Variants in PPP3CA observed in about 807,000 individuals in gnomAD.
PPP3CA encodes CAM-PRP catalytic subunit.
In PPP3CA, 14 loss-of-function variants were observed where a neutral mutation model predicts 66.5. The observed-to-expected ratio is 0.21, with a 90% CI of 0.14 to 0.33. The LOEUF (loss-of-function observed/expected upper bound fraction) is 0.33. PPP3CA is among the 10% of genes least tolerant of loss of function. PPP3CA has a pLI of 1.00. For synonymous variants in PPP3CA, 232 were observed against 226.2 expected (o/e 1.03, Z -0.23); for missense variants, 317 against 639.5 (o/e 0.50, Z 5.44).
chr4:101,265,267 T>C (rs1727134802), intron 1 of PPP3CA, among the ~76,000 whole-genome samples: 1 of 151,906 alleles, frequency 6.6e-6, no homozygotes, highest in Non-Finnish European at 1.5e-5. Flanking sequence ...AGCTACTCTT[T>C]TATTTATTTT....
chr4:101,028,618 A>G (rs1384846829), intron 13 of PPP3CA, among the ~76,000 whole-genome samples: 2 of 152,196 alleles, frequency 1.3e-5, no homozygotes, highest in Admixed American at 1.3e-4. Flanking sequence ...GTAGGTTACA[A>G]TTTGATTTAA....
intron 2 of PPP3CA, among the ~76,000 whole-genome samples, chr4:101,194,285 T>A (rs1724716518): frequency 6.6e-6 from 1 of 152,166 alleles, no homozygotes; most frequent in African/African-American, 2.4e-5. Context: ...TAAAGAAAGG[T>A]GTAGTCTGAT....
chr4:101,253,268 A>AT (rs968106577), intron 1 of PPP3CA, among the ~76,000 whole-genome samples: 3 of 152,122 alleles, frequency 2.0e-5, no homozygotes, highest in Non-Finnish European at 2.9e-5. Flanking sequence ...ACTATATATT[A>AT]TTTTTTAGCA....
At chr4:101,141,616 G>A (rs887301064) in intron 2 of PPP3CA, among the ~76,000 whole-genome samples, 35 of 152,122 alleles carry the variant, frequency 2.3e-4, no homozygotes, top group Non-Finnish European at 1.3e-4. Context: ...CTACTGAAGA[G>A]TTATTTCCTC....
intron 1 of PPP3CA, among the ~76,000 whole-genome samples, chr4:101,282,822 G>C (rs1205102250): frequency 1.3e-5 from 2 of 152,142 alleles, no homozygotes; most frequent in East Asian, 3.9e-4. Flanking sequence ...TTCCGGGGCA[G>C]TCCCCAACAT....
At position 101,147,956 on chromosome 4, in the gene PPP3CA, C is replaced by T. The variant is rs927666017; in HGVS notation, c.260-38878G>A. Reference sequence around the variant, plus strand: ...GTTAGGTAACTGTGGCTAAGATCCACGTCTCTGTCCAAAATAGACACAATC... The same window carrying T: ...GTTAGGTAACTGTGGCTAAGATCCATGTCTCTGTCCAAAATAGACACAATC... On this transcript the variant is annotated intron_variant, in intron 2 of 13. Coordinates refer to ENST00000394854, the MANE Select transcript of PPP3CA (RefSeq NM_000944.5). Among the ~76,000 whole-genome samples the T allele has an allele frequency of 3.9e-5, 6 of 152,160 alleles. No homozygotes were observed. In the South Asian group the frequency reaches 8.3e-4, roughly 21 times the overall value.
At chr4:101,304,008 T>C (rs1728460818) in intron 1 of PPP3CA, among the ~76,000 whole-genome samples, 1 of 152,198 alleles carries the variant, frequency 6.6e-6, no homozygotes, top group Non-Finnish European at 1.5e-5. Context: ...ACATATTAGT[T>C]AACCTTCTTT....
intron 1 of PPP3CA, among the ~76,000 whole-genome samples, chr4:101,322,632 A>G (rs1189564824): frequency 6.6e-6 from 1 of 151,698 alleles, no homozygotes; most frequent in Non-Finnish European, 1.5e-5. Flanking sequence ...CTGGTCTCGA[A>G]CTCCTGACCT....
chr4:101,293,958 A>G (rs144690277), intron 1 of PPP3CA, among the ~76,000 whole-genome samples: 2 of 152,174 alleles, frequency 1.3e-5, no homozygotes, highest in South Asian at 4.1e-4. Context: ...AGGAGGCATT[A>G]TGTAAGGAGA....
In PPP3CA at chr4:101,347,318, C is replaced by CGCCGCTGCT. The variant is rs892043301; in HGVS notation, c.-531_-523dup. 4.9e-5 allele frequency: 10 copies of CGCCGCTGCT among 203,404 alleles called. No individual in the cohort carries two copies. The highest frequency in any genetic ancestry group is 2.0e-3 in the Middle Eastern group (1 of 502). 12.6% of individuals were successfully genotyped at this position (203,404 alleles called of 1,614,324 possible). On this transcript the variant is annotated 5_prime_UTR_variant, in exon 1 of 14. Coordinates refer to ENST00000394854, the MANE Select transcript of PPP3CA (RefSeq NM_000944.5). ...GCGTCCCCGGCGGCGGAGAGGCGGC[C>CGCCGCTGCT]GCCGCTGCTGCCGCTGCTGCTGCCG... is the stretch of plus-strand genomic sequence containing the variant.
chr4:101,268,333 AAAG>A (rs1328520540), intron 1 of PPP3CA, among the ~76,000 whole-genome samples: 2 of 152,152 alleles, frequency 1.3e-5, no homozygotes, highest in Non-Finnish European at 2.9e-5. Flanking sequence ...AAGTCTGAGA[AAAG>A]AAGGCAAAAT....
At chr4:101,247,634 AT>A (rs1281996591) in intron 1 of PPP3CA, among the ~76,000 whole-genome samples, 2 of 152,080 alleles carry the variant, frequency 1.3e-5, no homozygotes, top group Non-Finnish European at 1.5e-5. Flanking sequence ...CCCTATACAT[AT>A]TTTTTCATTC....
chr4:101,234,831 CT>C lies in PPP3CA; in HGVS notation c.59-38716del, dbSNP rs35449566. ...ATAATTACCTTTTACTTAATCACAG[CT>C]TTTTTGCCCAAAAAACATTCTCTGC... On this transcript the variant is annotated intron_variant, in intron 1 of 13. Coordinates refer to ENST00000394854, the MANE Select transcript of PPP3CA (RefSeq NM_000944.5). 1.2e-3 allele frequency among the ~76,000 whole-genome samples: 182 copies of C among 151,790 alleles called. 1 individual carries two copies. Among genetic ancestry groups the C allele is most frequent in the African/African-American group, 4.3e-3 (179 of 41,458 alleles).
At chr4:101,291,517 T>C (rs552947818) in intron 1 of PPP3CA, among the ~76,000 whole-genome samples, 2 of 152,168 alleles carry the variant, frequency 1.3e-5, no homozygotes, top group Non-Finnish European at 2.9e-5. Context: ...CATCCATATC[T>C]CCATTGCTTT....
chr4:101,207,587 G>C lies in PPP3CA; in HGVS notation c.59-11471C>G, dbSNP rs1391801754. Among the ~76,000 whole-genome samples the C allele has an allele frequency of 2.0e-5, 3 of 152,184 alleles. No homozygotes were observed. In the East Asian group the frequency reaches 5.8e-4, roughly 29 times the overall value. On this transcript the variant is annotated intron_variant, in intron 1 of 13. Transcript: ENST00000394854. The stretch of plus-strand genomic sequence containing the variant: ...CGAATACCTGTAATCCCAGCACTGG[G>C]AGGCCGAGGTGGGCAGATCACTTGA...
chr4:101,082,554 T>C (rs775173594), intron 7 of PPP3CA, among the ~76,000 whole-genome samples: 22 of 152,218 alleles, frequency 1.4e-4, no homozygotes, highest in Admixed American at 1.4e-3. Context: ...TTTAATATAC[T>C]ATTAAAGTGA....
chr4:101,249,021 G>A (rs1226389683), intron 1 of PPP3CA, among the ~76,000 whole-genome samples: 6 of 151,566 alleles, frequency 4.0e-5, no homozygotes, highest in Non-Finnish European at 5.9e-5. Context: ...TTAGCCGGGC[G>A]CGGTGGCGGG....
At chr4:101,310,676 A>G (rs1456092406) in intron 1 of PPP3CA, among the ~76,000 whole-genome samples, 1 of 152,226 alleles carries the variant, frequency 6.6e-6, no homozygotes, top group African/African-American at 2.4e-5. Flanking sequence ...CTCTGAAGAA[A>G]TAACAACAGA....
At chr4:101,330,241 A>G (rs1045086676) in intron 1 of PPP3CA, 6 of 423,982 alleles carry the variant, frequency 1.4e-5, no homozygotes, top group African/African-American at 1.1e-4. Flanking sequence ...TATCAAGAGA[A>G]CTAGAATTAA....
Sources: allele counts gnomAD v4.1 joint callset (sites outside exome capture counted in the v4.1 genomes callset), GRCh38; gene constraint gnomAD v4.1.1; transcripts MANE v1.5; gene names NCBI Gene and HGNC (gene_info 2026-07-23, HGNC 2026-07-21).